Variants in PDGFRA observed in about 807,000 individuals in gnomAD.
PDGFRA encodes the protein platelet derived growth factor receptor alpha, also known as platelet-derived growth factor receptor alpha.
A neutral mutation model predicts 121.5 loss-of-function variants in PDGFRA; 25 were observed. The observed-to-expected ratio is 0.21, with a 90% CI of 0.15 to 0.29. The LOEUF is 0.29. Ranked by LOEUF, PDGFRA falls within the 10% of genes least tolerant of loss-of-function variation. The probability of loss-of-function intolerance (pLI) is 1.00; values close to 1 mark genes in which losing one functional copy is unlikely to be tolerated. For missense variants in PDGFRA, 1,008 were observed against 1,345.1 expected (o/e 0.75, Z 3.92); for synonymous variants, 463 against 494.8 (o/e 0.94, Z 0.85).
intron 9 of PDGFRA, 67 bp from the exon 10 acceptor site, chr4:54,273,470 C>T (rs2110290878): frequency 7.9e-7 from 1 of 1,261,358 alleles, no homozygotes; most frequent in South Asian, 1.2e-5. Context: ...TAGAGTGTTC[C>T]CGTGGCTCCA....
intron 1 of PDGFRA, among the ~76,000 whole-genome samples, chr4:54,231,339 A>C (rs577896432): frequency 1.3e-5 from 2 of 152,192 alleles, no homozygotes; most frequent in Admixed American, 1.3e-4. Context: ...TTTTGGACCG[A>C]CTCGCCTCGC....
At chr4:54,286,898 C>T (rs1452219132) in intron 18 of PDGFRA, among the ~76,000 whole-genome samples, 1 of 152,138 alleles carries the variant, frequency 6.6e-6, no homozygotes, top group Non-Finnish European at 1.5e-5. Context: ...GACATAGCTC[C>T]CTGTGGGGAT....
Position 54,265,005 on chromosome 4 carries a change from A to T in PDGFRA, c.715A>T (p.Asn239Tyr), listed in dbSNP as rs747042094. 6.2e-7 allele frequency: 1 copy of T among 1,613,774 alleles called. No homozygotes were observed. The highest frequency in any genetic ancestry group is 1.1e-5 in the South Asian group (1 of 91,070). ...GATTGTGGTCACCTGTGCTGTTTTT[A>T]ACAATGAGGTGGTTGACCTTCAATG... ...ETIVVTCAVFNNEVVDLQWTY... is the reference protein window; with the variant it reads ...ETIVVTCAVFYNEVVDLQWTY... The change falls in exon 5 of 23, where the codon AAC becomes TAC. Residue 239 changes from asparagine to tyrosine, a missense_variant. Asn to Tyr is a moderately radical substitution (Grantham distance 143, BLOSUM62 -2). This residue lies in a region of PDGFRA where 575 missense variants were observed against 701.8 expected (regional missense o/e 0.82). Coordinates refer to ENST00000257290, the MANE Select transcript of PDGFRA (RefSeq NM_006206.6).
chr4:54,292,358 GTC>G (rs1724672683), intron 22 of PDGFRA, among the ~76,000 whole-genome samples: 1 of 152,220 alleles, frequency 6.6e-6, no homozygotes. Context: ...ATGAGATCAT[GTC>G]CTTTGCAGGG....
intron 1 of PDGFRA, among the ~76,000 whole-genome samples, chr4:54,257,991 G>C (rs1722465440): frequency 6.6e-6 from 1 of 152,048 alleles, no homozygotes; most frequent in Non-Finnish European, 1.5e-5. Flanking sequence ...GGTTTGCACG[G>C]GTGCTTTTAC....
Position 54,290,304 on chromosome 4 carries a change from T to C in PDGFRA, c.2881-9T>C. On this transcript the variant is annotated splice_polypyrimidine_tract_variant and intron_variant, in intron 21 of 22. Transcript: ENST00000257290. ...CACTTGATTAAATATGTTCAATGAA[T>C]GTTTATAGAGTTATGAAAAAATTCA... 3 of 1,604,836 alleles carry C rather than the reference T, an allele frequency of 1.9e-6. No homozygotes were observed. The highest frequency in any genetic ancestry group is 2.6e-6 in the Non-Finnish European group (3 of 1,171,500).
At chr4:54,293,429 C>CTTTTT (rs35064429) in intron 22 of PDGFRA, among the ~76,000 whole-genome samples, 8 of 116,114 alleles carry the variant, frequency 6.9e-5, no homozygotes, top group Admixed American at 1.0e-4. Context: ...CCTAGAATTT[C>CTTTTT]TTTTTTTTTT....
At chr4:54,233,734 A>G (rs1335276172) in intron 1 of PDGFRA, among the ~76,000 whole-genome samples, 2 of 151,122 alleles carry the variant, frequency 1.3e-5, no homozygotes, top group Non-Finnish European at 3.0e-5. Context: ...GAAGCAGGGG[A>G]GTGTGGAGGA....
rs1724908742 is a variant in PDGFRA at position 54,296,914 on chromosome 4, T to G, written c.*1642T>G. The G allele has an allele frequency of 8.6e-6, 2 of 233,046 alleles. No individual in the cohort carries two copies. Among genetic ancestry groups the G allele is most frequent in the African/African-American group, 2.2e-5 (1 of 45,348 alleles). The allele number at this position is 233,046 out of a possible 1,614,324, so 14.4% of individuals were successfully genotyped here. A position where few individuals can be genotyped will look rare whatever the true frequency, so the allele number is the denominator to read the frequency against. On this transcript the variant is annotated 3_prime_UTR_variant, in exon 23 of 23. Coordinates refer to ENST00000257290, the MANE Select transcript of PDGFRA (RefSeq NM_006206.6). ...AGCTGAGGCTGAGAAAGCTAAAGTTTGGTTTTGACAGGTTTTCCAAAAGTA... is the reference window on the plus strand; with the variant it reads ...AGCTGAGGCTGAGAAAGCTAAAGTTGGGTTTTGACAGGTTTTCCAAAAGTA...
intron 1 of PDGFRA, among the ~76,000 whole-genome samples, chr4:54,252,704 G>T (rs73151414): frequency 5.9e-5 from 9 of 152,190 alleles, no homozygotes. Context: ...GGGACTGTGA[G>T]AGAGTCTCTT....
intron 1 of PDGFRA, among the ~76,000 whole-genome samples, chr4:54,231,065 G>T (rs972727165): frequency 2.6e-5 from 4 of 152,224 alleles, no homozygotes; most frequent in Non-Finnish European, 5.9e-5. Context: ...GGTCGGGAAG[G>T]ACTTGCTGGC....
In PDGFRA at chr4:54,251,701, A is replaced by T. The variant is rs1483267818; in HGVS notation, c.-12-7056A>T. 2.0e-5 allele frequency among the ~76,000 whole-genome samples: 3 copies of T among 152,182 alleles called. No homozygotes were observed. The East Asian group carries it at 5.8e-4, about 29-fold the overall frequency. ...GGTAAGTGAAGAATGTCACTTTCTGACAGGCCCAGGAGCCCCAAGTTATCT... is the reference window on the plus strand; with the variant it reads ...GGTAAGTGAAGAATGTCACTTTCTGTCAGGCCCAGGAGCCCCAAGTTATCT... On this transcript the variant is annotated intron_variant, in intron 1 of 22. Transcript: ENST00000257290.
Position 54,280,754 on chromosome 4 carries a change from AT to A in PDGFRA, c.2323+278del, listed in dbSNP as rs368963999. 2,612 of 236,304 alleles carry A rather than the reference AT, an allele frequency of 0.011. 61 individuals carry two copies. The highest frequency in any genetic ancestry group is 0.048 in the African/African-American group (2,093 of 43,726). 14.6% of individuals were successfully genotyped at this position (236,304 alleles called of 1,614,324 possible). Reference sequence around the variant, plus strand: ...TTCTTGGTGTGTTCCTGCAGTAAACATTTTTTAAAAAAAATAATTATTTATT... The same window carrying A: ...TTCTTGGTGTGTTCCTGCAGTAAACATTTTTAAAAAAAATAATTATTTATT... On this transcript the variant is annotated intron_variant, in intron 16 of 22. Coordinates refer to ENST00000257290, the MANE Select transcript of PDGFRA (RefSeq NM_006206.6).
intron 3 of PDGFRA, among the ~76,000 whole-genome samples, chr4:54,263,210 TA>T (rs1722848823): frequency 6.6e-6 from 1 of 152,270 alleles, no homozygotes; most frequent in Non-Finnish European, 1.5e-5. Flanking sequence ...TTTCCTGTTT[TA>T]AACAGAGTTG....
chr4:54,287,329 C>T, intron 18 of PDGFRA, 101 bp from the exon 19 acceptor site: 2 of 768,426 alleles, frequency 2.6e-6, no homozygotes, highest in South Asian at 2.7e-5. Context: ...AGATAATTAG[C>T]ACAAGTTATT....
At chr4:54,249,468 G>A (rs900261296) in intron 1 of PDGFRA, among the ~76,000 whole-genome samples, 14 of 152,200 alleles carry the variant, frequency 9.2e-5, no homozygotes, top group Non-Finnish European at 1.8e-4. Context: ...AAAATGATGA[G>A]TTCAGGTCCT....
intron 1 of PDGFRA, among the ~76,000 whole-genome samples, chr4:54,246,217 C>G (rs1278496630): frequency 6.6e-6 from 1 of 152,128 alleles, no homozygotes; most frequent in Non-Finnish European, 1.5e-5. Context: ...CCAAGCGGAC[C>G]TAATAGACAT....
rs767697835 is a variant in PDGFRA, at chr4:54,295,225, G to A, written c.3223G>A (p.Asp1075Asn). The A allele has an allele frequency of 1.2e-5, 20 of 1,613,790 alleles. No individual in the cohort carries two copies. The highest frequency in any genetic ancestry group is 2.2e-5 in the South Asian group (2 of 91,088). Residue 1075 changes from aspartate (D) to asparagine (N), a missense_variant, in exon 23 of 23, where the codon GAC (aspartate) becomes AAC (asparagine). Coordinates refer to ENST00000257290, the MANE Select transcript of PDGFRA (RefSeq NM_006206.6). ...ETIEDIDMMD[D>N]IGIDSSDLVE... ...CATTGAAGACATCGACATGATGGAT[G>A]ACATCGGCATAGACTCTTCAGACCT...
chr4:54,287,848 T>A (rs1366978049), intron 19 of PDGFRA, among the ~76,000 whole-genome samples: 1 of 152,192 alleles, frequency 6.6e-6, no homozygotes, highest in African/African-American at 2.4e-5. Flanking sequence ...TCCCAGCTGC[T>A]TTTTCATTTT....
Sources: allele counts gnomAD v4.1 joint callset (sites outside exome capture counted in the v4.1 genomes callset), GRCh38; gene constraint gnomAD v4.1.1; regional missense constraint gnomAD v4.1.1; transcripts MANE v1.5; gene names NCBI Gene and HGNC (gene_info 2026-07-23, HGNC 2026-07-21).